The following XPNPEP3 variants were observed in gnomAD, a reference collection of about 807,000 sequenced individuals.
The protein encoded by XPNPEP3 is X-prolyl aminopeptidase 3.
In XPNPEP3, 41 loss-of-function variants were observed where a neutral mutation model predicts 60.0. The observed-to-expected ratio is 0.68, with a 90% confidence interval of 0.53 to 0.89. The LOEUF is 0.89. XPNPEP3 is among the 40% of genes least tolerant of loss of function. The pLI is 0.00. For synonymous variants in XPNPEP3, 212 were observed against 223.2 expected (o/e 0.95, Z 0.45); for missense variants, 598 against 638.9 (o/e 0.94, Z 0.69).
chr22:40,920,940 G>T (rs1285159538), intron 7 of XPNPEP3, among the ~76,000 whole-genome samples: 1 of 152,050 alleles, frequency 6.6e-6, no homozygotes, highest in Non-Finnish European at 1.5e-5. Flanking sequence ...TTACAGACAT[G>T]CACCACCATG....
intron 6 of XPNPEP3, among the ~76,000 whole-genome samples, chr22:40,909,728 G>A (rs1055335274): frequency 3.3e-5 from 5 of 152,158 alleles, no homozygotes; most frequent in Admixed American, 6.5e-5. Flanking sequence ...TCACACAACC[G>A]CACTCCAGTG....
intron 7 of XPNPEP3, among the ~76,000 whole-genome samples, chr22:40,920,760 C>T (rs2058213336): frequency 6.6e-6 from 1 of 152,098 alleles, no homozygotes; most frequent in South Asian, 2.1e-4. Context: ...AGATTTTTGT[C>T]TTTCGGAAAT....
rs1249070928 is a variant in XPNPEP3 at position 40,930,494 on chromosome 22, C to T, written c.*4059C>T. 2 of 151,776 alleles carry T rather than the reference C, an allele frequency of 1.3e-5. No individual in the cohort carries two copies. The highest frequency in any genetic ancestry group is 4.8e-5 in the African/African-American group (2 of 41,306). The allele number at this position is 151,776 out of a possible 1,614,324, so 9.4% of individuals were successfully genotyped here. A position where few individuals can be genotyped will look rare whatever the true frequency, so the allele number is the denominator to read the frequency against. ...CAGGGTAAATAATGATGTTTTGATACATATATAATGATCAGATCAGAACAA... is the reference window on the plus strand; with the variant it reads ...CAGGGTAAATAATGATGTTTTGATATATATATAATGATCAGATCAGAACAA... On this transcript the variant is annotated 3_prime_UTR_variant, in exon 10 of 10. Coordinates refer to ENST00000357137, the MANE Select transcript of XPNPEP3 (RefSeq NM_022098.4).
chr22:40,901,060 G>T (rs1477524378), intron 4 of XPNPEP3, among the ~76,000 whole-genome samples: 1 of 151,952 alleles, frequency 6.6e-6, no homozygotes, highest in Admixed American at 6.6e-5. Context: ...TTCAAGAGCA[G>T]CCTGGGCAAC....
intron 1 of XPNPEP3, chr22:40,861,249 G>A (rs745384683): frequency 6.2e-7 from 1 of 1,614,090 alleles, no homozygotes; most frequent in Non-Finnish European, 8.5e-7. Context: ...GTGAGAATTT[G>A]GTGAATAGTT....
At chr22:40,893,132 G>A (rs901242044) in intron 4 of XPNPEP3, among the ~76,000 whole-genome samples, 89 of 145,806 alleles carry the variant, frequency 6.1e-4, no homozygotes, top group African/African-American at 2.1e-3. Context: ...ATTATATATT[G>A]TATATTATAT....
chr22:40,862,491 CA>C (rs1479625274), intron 1 of XPNPEP3: 1 of 985,654 alleles, frequency 1.0e-6, no homozygotes, highest in Non-Finnish European at 1.2e-6. Flanking sequence ...AAACAGTTGA[CA>C]TATTTATTTC....
chr22:40,861,531 G>A, intron 1 of XPNPEP3: 3 of 1,613,742 alleles, frequency 1.9e-6, no homozygotes, highest in South Asian at 2.2e-5. Context: ...TGTATATCCT[G>A]TATCATATGA....
intron 8 of XPNPEP3, among the ~76,000 whole-genome samples, chr22:40,923,716 G>A (rs2058224731): frequency 6.6e-6 from 1 of 152,122 alleles, no homozygotes; most frequent in African/African-American, 2.4e-5. Flanking sequence ...GCCAGGCATG[G>A]TGGTACATGA....
rs1367586407 is a variant in XPNPEP3 at position 40,930,437 on chromosome 22, G to A, written c.*4002G>A. ...AGCCACTGCACCCAGCCTTTTTAAA[G>A]TTTTTAATTGACATATAATTGTACG... On this transcript the variant is annotated 3_prime_UTR_variant, in exon 10 of 10. Transcript: ENST00000357137. 6.6e-6 allele frequency: 1 copy of A among 151,388 alleles called. No homozygotes were observed. Among genetic ancestry groups the A allele is most frequent in the African/African-American group, 2.4e-5 (1 of 41,186 alleles). 9.4% of individuals were successfully genotyped at this position (151,388 alleles called of 1,614,324 possible).
chr22:40,890,048 A>C (rs1337696755), intron 4 of XPNPEP3, among the ~76,000 whole-genome samples: 1 of 152,192 alleles, frequency 6.6e-6, no homozygotes, highest in Admixed American at 6.5e-5. Context: ...CTAAATATTC[A>C]TCAAGCCAAT....
At chr22:40,880,568 GA>G (rs1247125985) in intron 2 of XPNPEP3, among the ~76,000 whole-genome samples, 1 of 151,250 alleles carries the variant, frequency 6.6e-6, no homozygotes, top group East Asian at 1.9e-4. Flanking sequence ...GCCAAACAAT[GA>G]AGGAAAGAGG....
intron 3 of XPNPEP3, among the ~76,000 whole-genome samples, chr22:40,884,977 G>A (rs2058062954): frequency 6.6e-6 from 1 of 151,472 alleles, no homozygotes; most frequent in Non-Finnish European, 1.5e-5. Flanking sequence ...GCAGTGAGCC[G>A]AGATCGCGCC....
rs550373025 is a variant in XPNPEP3 at position 40,890,328 on chromosome 22, A to G, written c.792+3813A>G. On this transcript the variant is annotated intron_variant, in intron 4 of 9. Transcript: ENST00000357137. ...TTTGGGAGGCTGAGGCAGGAGAATC[A>G]CTTAAGCTTAGGAGTTCAAGACTAG... is the stretch of plus-strand genomic sequence containing the variant. Among the ~76,000 whole-genome samples, 30 of 152,166 alleles carry G rather than the reference A, an allele frequency of 2.0e-4. No homozygotes were observed. The South Asian group carries it at 6.0e-3, about 31-fold the overall frequency.
At chr22:40,871,300 C>T (rs1349102627) in intron 2 of XPNPEP3, among the ~76,000 whole-genome samples, 9 of 152,170 alleles carry the variant, frequency 5.9e-5, no homozygotes, top group Non-Finnish European at 1.0e-4. Flanking sequence ...ATGCAGTGAG[C>T]TGTGATCATG....
intron 4 of XPNPEP3, among the ~76,000 whole-genome samples, chr22:40,888,105 C>G (rs918163405): frequency 6.6e-6 from 1 of 152,160 alleles, no homozygotes; most frequent in South Asian, 2.1e-4. Flanking sequence ...TTCTCCCCTC[C>G]TCCAGCCCCC....
intron 2 of XPNPEP3, among the ~76,000 whole-genome samples, chr22:40,873,270 A>T (rs970800351): frequency 6.6e-6 from 1 of 150,800 alleles, no homozygotes; most frequent in African/African-American, 2.4e-5. Flanking sequence ...ACACCTGGCT[A>T]ATTTTTGTAT....
intron 4 of XPNPEP3, among the ~76,000 whole-genome samples, chr22:40,901,579 G>A (rs1180487942): frequency 1.3e-5 from 2 of 152,106 alleles, no homozygotes; most frequent in African/African-American, 4.8e-5. Flanking sequence ...AGGGACAGTG[G>A]CTCATGCCTG....
intron 2 of XPNPEP3, among the ~76,000 whole-genome samples, chr22:40,875,887 GTGCATGCT>G (rs2058026035): frequency 6.6e-6 from 1 of 151,740 alleles, no homozygotes; most frequent in African/African-American, 2.4e-5. Context: ...AGGCATGGTG[GTGCATGCT>G]TGTAATCCCA....
Sources: allele counts gnomAD v4.1 joint callset (sites outside exome capture counted in the v4.1 genomes callset), GRCh38; gene constraint gnomAD v4.1.1; transcripts MANE v1.5; gene names NCBI Gene and HGNC (gene_info 2026-07-23, HGNC 2026-07-21).